Variants in MDGA2 observed in about 807,000 individuals in gnomAD.
The protein encoded by MDGA2 is MAM domain containing glycosylphosphatidylinositol anchor 2, also known as MAM domain-containing glycosylphosphatidylinositol anchor protein 2.
MDGA2 carries 40 observed loss-of-function variants against 117.8 expected under a neutral mutation model. The ratio of observed to expected loss-of-function variants is 0.34; its 90% CI spans 0.26 to 0.44. MDGA2 has a LOEUF of 0.44. Ranked by LOEUF, MDGA2 falls within the 20% of genes least tolerant of loss-of-function variation. The probability of loss-of-function intolerance (pLI) is 1.00; values close to 1 mark genes in which losing one functional copy is unlikely to be tolerated. For synonymous variants in MDGA2, 452 were observed against 439.0 expected, an observed-to-expected ratio of 1.03 and a Z score of -0.37; for missense variants, 1,123 against 1,250.6, an observed-to-expected ratio of 0.90 and a Z score of 1.54.
At chr14:47,615,693 C>T (rs1394902374) in intron 1 of MDGA2, among the ~76,000 whole-genome samples, 1 of 152,212 alleles carries the variant, frequency 6.6e-6, no homozygotes, top group Admixed American at 6.5e-5. Context: ...CCTAAAGCCT[C>T]AATCTCATTT....
chr14:47,665,141 A>G (rs191882220), intron 1 of MDGA2, among the ~76,000 whole-genome samples: 4 of 151,818 alleles, frequency 2.6e-5, no homozygotes, highest in Admixed American at 2.6e-4. Context: ...ACACAATAGC[A>G]ATGCCCTTTC....
At chr14:47,195,999 T>G (rs1226442304) in intron 3 of MDGA2, among the ~76,000 whole-genome samples, 1 of 152,038 alleles carries the variant, frequency 6.6e-6, no homozygotes, top group African/African-American at 2.4e-5. Flanking sequence ...TTTAGTCATA[T>G]ATACATATAT....
chr14:46,873,570 G>A lies in MDGA2; in HGVS notation c.2615C>T (p.Thr872Ile). 1 of 1,612,120 alleles carries A rather than the reference G, an allele frequency of 6.2e-7. No individual in the cohort carries two copies. The highest frequency in any genetic ancestry group is 8.5e-7 in the Non-Finnish European group (1 of 1,178,804). The change falls in exon 14 of 17, where the codon ACA becomes ATA. Residue 872 changes from threonine to isoleucine, a missense_variant. Transcript: ENST00000399232. ...TTCGCCTTCCAATCTGGGTCGTGAT[G>A]TCTCAATGTACATATAAAAACCTTA... ...SKEGFYMYIE[T>I]SRPRLEGEKA... is the part of the protein sequence containing the mutation.
intron 3 of MDGA2, among the ~76,000 whole-genome samples, chr14:47,204,925 CA>C (rs1885628282): frequency 6.6e-6 from 1 of 151,876 alleles, no homozygotes; most frequent in African/African-American, 2.4e-5. Flanking sequence ...AAGATTTGAA[CA>C]ATCTACTTAA....
chr14:46,926,415 C>G (rs940641845), intron 9 of MDGA2, among the ~76,000 whole-genome samples: 1 of 110,248 alleles, frequency 9.1e-6, no homozygotes, highest in African/African-American at 3.2e-5. Flanking sequence ...CAATGATGCA[C>G]TGATTTGAAA....
chr14:46,917,592 AGG>A (rs1056024634), intron 10 of MDGA2, among the ~76,000 whole-genome samples: 1 of 152,226 alleles, frequency 6.6e-6, no homozygotes, highest in African/African-American at 2.4e-5. Context: ...AACATAGAAA[AGG>A]GAAATTTATA....
chr14:47,178,991 C>T (rs1021907351), intron 3 of MDGA2, among the ~76,000 whole-genome samples: 3 of 152,014 alleles, frequency 2.0e-5, no homozygotes, highest in Non-Finnish European at 4.4e-5. Flanking sequence ...GAGTACTGGT[C>T]TTAAAAGCAA....
chr14:46,859,722 A>T (rs1399458156), intron 14 of MDGA2, among the ~76,000 whole-genome samples: 1 of 152,188 alleles, frequency 6.6e-6, no homozygotes, highest in Non-Finnish European at 1.5e-5. Context: ...AACAGGACTT[A>T]TCTGATATCA....
intron 1 of MDGA2, chr14:47,342,965 G>A (rs1324808821): frequency 1.5e-5 from 11 of 718,458 alleles, no homozygotes; most frequent in Non-Finnish European, 2.4e-5. Context: ...AGTAGTAGGA[G>A]GAAGGAAAGG....
At chr14:47,173,755 A>C (rs1463757610) in intron 3 of MDGA2, among the ~76,000 whole-genome samples, 3 of 152,182 alleles carry the variant, frequency 2.0e-5, no homozygotes, top group East Asian at 1.9e-4. Flanking sequence ...CGAGCAAAAT[A>C]ACCAGCTAAC....
intron 9 of MDGA2, among the ~76,000 whole-genome samples, chr14:46,933,260 C>T: frequency 6.6e-6 from 1 of 151,872 alleles, no homozygotes; most frequent in African/African-American, 2.4e-5. Context: ...AGAGACTTTA[C>T]TCACAAAATT....
intron 2 of MDGA2, among the ~76,000 whole-genome samples, chr14:47,278,323 C>G (rs905747487): frequency 3.3e-5 from 5 of 152,106 alleles, no homozygotes; most frequent in Admixed American, 3.3e-4. Context: ...TTTACATAGT[C>G]ATGGGGTCCA....
rs1013862864 is a variant in MDGA2 at position 46,841,156 on chromosome 14, C to T, written c.*775G>A. 6.6e-6 allele frequency: 1 copy of T among 152,526 alleles called. No individual in the cohort carries two copies. The highest frequency in any genetic ancestry group is 1.9e-4 in the East Asian group (1 of 5,188). 9.4% of individuals were successfully genotyped at this position (152,526 alleles called of 1,614,324 possible). ...TTTATAAAAGATGGTGGTTTGGTTT[C>T]TTCATTGGAACAGATGACGTAGTTT... On this transcript the variant is annotated 3_prime_UTR_variant, in exon 17 of 17. Transcript: ENST00000399232.
At chr14:47,330,214 T>A (rs146083033) in intron 1 of MDGA2, among the ~76,000 whole-genome samples, 3,133 of 152,026 alleles carry the variant, frequency 0.021, 102 homozygotes, top group African/African-American at 0.071. Flanking sequence ...ATATCAGGTA[T>A]TTTGTATGTC....
chr14:46,883,179 C>T (rs931083180), intron 10 of MDGA2, among the ~76,000 whole-genome samples: 9 of 152,010 alleles, frequency 5.9e-5, no homozygotes, highest in Non-Finnish European at 8.8e-5. Flanking sequence ...GTATACAAAC[C>T]GAATTCATAA....
Position 47,613,897 on chromosome 14 carries a change from A to T in MDGA2, c.280+60620T>A, listed in dbSNP as rs570055107. Among the ~76,000 whole-genome samples, 36 of 152,164 alleles carry T rather than the reference A, an allele frequency of 2.4e-4. No individual in the cohort carries two copies. The South Asian group carries it at 7.0e-3, about 30-fold the overall frequency. ...TGAACACATTTAAAACATCTTTGCA[A>T]TATTTGGAGTTGTGTTAAATATGGC... On this transcript the variant is annotated intron_variant, in intron 1 of 16. Coordinates refer to ENST00000399232, the MANE Select transcript of MDGA2 (RefSeq NM_001113498.3).
chr14:47,565,988 A>G (rs2138810897), intron 1 of MDGA2, among the ~76,000 whole-genome samples: 1 of 152,350 alleles, frequency 6.6e-6, no homozygotes, highest in African/African-American at 2.4e-5. Flanking sequence ...CAATGGCAGC[A>G]TCGTGATGCA....
intron 1 of MDGA2, among the ~76,000 whole-genome samples, chr14:47,598,298 C>T (rs1335799107): frequency 6.6e-6 from 1 of 152,176 alleles, no homozygotes; most frequent in Non-Finnish European, 1.5e-5. Flanking sequence ...AGAACTACTA[C>T]ATAGCCCGTC....
At chr14:47,044,617 C>G (rs1889191969) in intron 7 of MDGA2, among the ~76,000 whole-genome samples, 1 of 152,114 alleles carries the variant, frequency 6.6e-6, no homozygotes, top group Non-Finnish European at 1.5e-5. Context: ...TCTTATCACA[C>G]TCTGTAAATA....
Sources: gnomAD v4.1 joint callset for allele counts (sites outside exome capture counted in the v4.1 genomes callset) on GRCh38, gnomAD v4.1.1 for gene constraint, MANE v1.5 for transcripts, NCBI Gene and HGNC (gene_info 2026-07-23, HGNC 2026-07-21) for gene names.